Variants in ARHGEF17 observed in about 807,000 individuals in gnomAD.
The protein encoded by ARHGEF17 is Rho guanine nucleotide exchange factor 17, also known as 164 kDa Rho-specific guanine-nucleotide exchange factor.
In ARHGEF17, 80 loss-of-function variants were observed where a neutral mutation model predicts 174.0. The observed-to-expected ratio is 0.46, with a 90% confidence interval of 0.38 to 0.55. The LOEUF is 0.55. ARHGEF17 is among the 20% of genes least tolerant of loss of function. The pLI, the probability that ARHGEF17 is intolerant of heterozygous loss-of-function variation, is 0.00. For synonymous variants in ARHGEF17, 1,311 were observed against 1,189.1 expected (o/e 1.10, Z -2.11); for missense variants, 2,886 against 2,839.7 (o/e 1.02, Z -0.37).
chr11:73,361,298 CAT>C, intron 12 of ARHGEF17, 137 bp downstream of exon 12: 1 of 763,458 alleles, frequency 1.3e-6, no homozygotes, highest in East Asian at 2.7e-5. Flanking sequence ...GCTCTCTGTA[CAT>C]GTGTGTGGGT....
rs1565212817 is a variant in ARHGEF17 at position 73,367,576 on chromosome 11, GC to G, written c.5996-3del. The G allele has an allele frequency of 6.2e-7, 1 of 1,606,538 alleles. No individual in the cohort carries two copies. Among genetic ancestry groups the G allele is most frequent in the Admixed American group, 1.7e-5 (1 of 59,760 alleles). ...CCCAAGCTGACAGATCCTCCCCTCTGCCCCCAGGCCCCGAGAAGCTGCCATC... is the reference window on the plus strand; with the variant it reads ...CCCAAGCTGACAGATCCTCCCCTCTGCCCCAGGCCCCGAGAAGCTGCCATC... On this transcript the variant is annotated splice_polypyrimidine_tract_variant and splice_region_variant and intron_variant, in intron 20 of 20. Transcript: ENST00000263674.
In ARHGEF17 at chr11:73,362,225, G is replaced by A. The variant is rs373749261; in HGVS notation, c.4680G>A (p.Gln1560=). 551 of 1,540,446 alleles carry A rather than the reference G, an allele frequency of 3.6e-4. 3 individuals are homozygous for A. The African/African-American group carries it at 6.7e-3, about 19-fold the overall frequency. ...ILCIGAVPGL[Q]PRCHREPPPS... ...GCATCGGGGCGGTGCCCGGGCTGCA[G>A]CCTCGCTGCCACCGGTGAGGCCTGG... The change falls in exon 13 of 21, where the codon CAG becomes CAA. Residue 1560 remains glutamine, a synonymous_variant. Coordinates refer to ENST00000263674, the MANE Select transcript of ARHGEF17 (RefSeq NM_014786.4).
At chr11:73,366,589 G>A (rs1337485498) in intron 20 of ARHGEF17, among the ~76,000 whole-genome samples, 1 of 152,082 alleles carries the variant, frequency 6.6e-6, no homozygotes, top group Non-Finnish European at 1.5e-5. Flanking sequence ...AATTAGCCAT[G>A]TGTGGTGGCA....
chr11:73,335,935 A>G (rs189906463), intron 1 of ARHGEF17, among the ~76,000 whole-genome samples: 1 of 152,344 alleles, frequency 6.6e-6, no homozygotes, highest in East Asian at 1.9e-4. Flanking sequence ...TTGTACACCT[A>G]CTGTATGTCA....
rs1864764012 is a variant in ARHGEF17 at position 73,309,384 on chromosome 11, G to T, written c.746G>T (p.Ser249Ile). 1 of 1,576,802 alleles carries T rather than the reference G, an allele frequency of 6.3e-7. No homozygotes were observed. Among genetic ancestry groups the T allele is most frequent in the Non-Finnish European group, 8.6e-7 (1 of 1,160,548 alleles). ...SYPVSRSRAA[S>I]SSEEEEEGPP... Reference sequence around the variant, plus strand: ...CCTGTCAGCCGCAGTCGTGCTGCCAGCTCCAGCGAGGAGGAAGAGGAGGGC... The same window carrying T: ...CCTGTCAGCCGCAGTCGTGCTGCCATCTCCAGCGAGGAGGAAGAGGAGGGC... Residue 249 changes from serine to isoleucine, a missense_variant, in exon 1 of 21, where the codon AGC (serine) becomes ATC (isoleucine). Transcript: ENST00000263674.
intron 11 of ARHGEF17, 119 bp downstream of exon 11, chr11:73,360,652 C>T (rs1400178013): frequency 1.9e-6 from 2 of 1,080,998 alleles, no homozygotes; most frequent in South Asian, 1.4e-5. Context: ...GCTCCGGCTC[C>T]ACCTGGTGGG....
At chr11:73,356,498 CTG>C in intron 6 of ARHGEF17, 147 bp downstream of exon 6, 1 of 1,186,842 alleles carries the variant, frequency 8.4e-7, no homozygotes. Context: ...CTGCCAGCCT[CTG>C]TGGCCACACG....
At chr11:73,328,940 A>G (rs939349438) in intron 1 of ARHGEF17, among the ~76,000 whole-genome samples, 1 of 152,086 alleles carries the variant, frequency 6.6e-6, no homozygotes, top group African/African-American at 2.4e-5. Flanking sequence ...GAGAGGCAGG[A>G]TGGAGAAGGA....
intron 11 of ARHGEF17, 125 bp downstream of exon 11, chr11:73,360,658 G>C (rs1475444656): frequency 2.0e-6 from 2 of 991,156 alleles, no homozygotes; most frequent in Non-Finnish European, 3.0e-6. Context: ...GCTCCACCTG[G>C]TGGGGAGGGG....
chr11:73,355,509 C>G, intron 3 of ARHGEF17, 24 bp from the exon 4 acceptor site: 1 of 1,581,712 alleles, frequency 6.3e-7, no homozygotes, highest in Non-Finnish European at 8.7e-7. Flanking sequence ...CTTGAGGGTC[C>G]CCAACCTGCC....
chr11:73,337,168 A>G (rs1257580946), intron 1 of ARHGEF17, among the ~76,000 whole-genome samples: 2 of 152,182 alleles, frequency 1.3e-5, no homozygotes, highest in East Asian at 1.9e-4. Flanking sequence ...GCTCGCGCCT[A>G]TAATCCCAGC....
rs1352630412 is a variant in ARHGEF17, at chr11:73,311,494, C to T, written c.2856C>T (p.Pro952=). 1 of 1,613,192 alleles carries T rather than the reference C, an allele frequency of 6.2e-7. No individual in the cohort carries two copies. Among genetic ancestry groups the T allele is most frequent in the Admixed American group, 1.7e-5 (1 of 60,038 alleles). ...CTGGCAGCCTGTCTCGGGCCCGGCCCTCCTCCAGACACGTTCGCCATGCCA... is the reference window on the plus strand; with the variant it reads ...CTGGCAGCCTGTCTCGGGCCCGGCCTTCCTCCAGACACGTTCGCCATGCCA... ...DQTGSLSRAR[P]SSRHVRHASV... Residue 952 remains proline (P), a synonymous_variant, in exon 1 of 21, where the codon CCC becomes CCT. Transcript: ENST00000263674.
chr11:73,338,793 T>C (rs550067990), intron 1 of ARHGEF17, among the ~76,000 whole-genome samples: 1 of 152,030 alleles, frequency 6.6e-6, no homozygotes, highest in South Asian at 2.1e-4. Context: ...TGGAGGTGGC[T>C]GGTAGAACTG....
At chr11:73,349,115 T>G (rs1009194865) in intron 2 of ARHGEF17, among the ~76,000 whole-genome samples, 1 of 152,156 alleles carries the variant, frequency 6.6e-6, no homozygotes, top group Non-Finnish European at 1.5e-5. Context: ...GCAGCCAGAA[T>G]GCCAGGCAGG....
chr11:73,341,934 A>G (rs1250638946), intron 1 of ARHGEF17, among the ~76,000 whole-genome samples: 2 of 152,182 alleles, frequency 1.3e-5, no homozygotes, highest in Non-Finnish European at 1.5e-5. Context: ...GGTGCTTCAG[A>G]GCCCCCCCAT....
chr11:73,313,587 G>A (rs959730635), intron 1 of ARHGEF17, among the ~76,000 whole-genome samples: 1 of 152,154 alleles, frequency 6.6e-6, no homozygotes, highest in Admixed American at 6.5e-5. Context: ...CTCTGAGGCG[G>A]GACAGATCTG....
chr11:73,326,033 G>C (rs894572424), intron 1 of ARHGEF17, among the ~76,000 whole-genome samples: 3 of 152,224 alleles, frequency 2.0e-5, no homozygotes, highest in Non-Finnish European at 4.4e-5. Flanking sequence ...GCGGGTTGGG[G>C]GAACCCAGGG....
rs959553240 is a variant in ARHGEF17, at chr11:73,343,030, C to T, written c.3193-3853C>T. On this transcript the variant is annotated intron_variant, in intron 1 of 20. Coordinates refer to ENST00000263674, the MANE Select transcript of ARHGEF17 (RefSeq NM_014786.4). ...CCGCCACTGCGGCTGCCGCCGCGGC[C>T]GGGCTGAGCCCTTAGGGAGCGAGAG... 211 of 270,968 alleles carry T rather than the reference C, an allele frequency of 7.8e-4. 2 individuals carry two copies. The Admixed American group carries it at 0.011, about 14-fold the overall frequency. The allele number at this position is 270,968 out of a possible 1,614,324, so 16.8% of individuals were successfully genotyped here. A position where few individuals can be genotyped will look rare whatever the true frequency, so the allele number is the denominator to read the frequency against.
Position 73,360,485 on chromosome 11 carries a change from G to A in ARHGEF17, c.4372G>A (p.Ala1458Thr), listed in dbSNP as rs776112110. The A allele has an allele frequency of 1.2e-5, 20 of 1,613,830 alleles. No homozygotes were observed. Among genetic ancestry groups the A allele is most frequent in the Non-Finnish European group, 1.6e-5 (19 of 1,180,050 alleles). The change falls in exon 11 of 21, where the codon GCC becomes ACC. Residue 1458 changes from alanine (A) to threonine (T), a missense_variant. Around this residue, in one of 4 missense-constraint regions of ARHGEF17, gnomAD observed 476 missense variants for 473.1 expected, o/e 1.01. Coordinates refer to ENST00000263674, the MANE Select transcript of ARHGEF17 (RefSeq NM_014786.4). ...CATTTTTGAGTTCCCTCACCCTGAC[G>A]CCCGCCTTGGTTTTGAACAGGCCTT... ...SYIFEFPHPD[A>T]RLGFEQAFDE...
Sources: gnomAD v4.1 joint callset for allele counts (sites outside exome capture counted in the v4.1 genomes callset) on GRCh38, gnomAD v4.1.1 for gene constraint, gnomAD v4.1.1 regional missense constraint, MANE v1.5 for transcripts, NCBI Gene and HGNC (gene_info 2026-07-23, HGNC 2026-07-21) for gene names.